Variants in SKAP1 observed in about 807,000 individuals in gnomAD.
SKAP1 encodes src kinase-associated phosphoprotein 1.
A neutral mutation model predicts 58.5 loss-of-function variants in SKAP1; 44 were observed. The ratio of observed to expected loss-of-function variants is 0.75; its 90% CI spans 0.59 to 0.97. The LOEUF (loss-of-function observed/expected upper bound fraction) is 0.97. Ranked by LOEUF, SKAP1 falls within the 50% of genes least tolerant of loss-of-function variation. SKAP1 has a pLI of 0.00. For synonymous variants in SKAP1, 127 were observed against 149.7 expected (o/e 0.85, Z 1.11); for missense variants, 390 against 435.2 (o/e 0.90, Z 0.92).
chr17:48,258,429 GTTT>G (rs909662181), intron 4 of SKAP1, among the ~76,000 whole-genome samples: 4 of 152,122 alleles, frequency 2.6e-5, no homozygotes, highest in African/African-American at 9.7e-5. Flanking sequence ...CAAGCACACA[GTTT>G]ATCTCAGGAT....
At chr17:48,198,528 A>G (rs891046079) in intron 4 of SKAP1, among the ~76,000 whole-genome samples, 1 of 151,034 alleles carries the variant, frequency 6.6e-6, no homozygotes, top group Non-Finnish European at 1.5e-5. Context: ...GCATTCTGAT[A>G]CGCTTTCTTA....
At chr17:48,278,173 A>G (rs2065722929) in intron 4 of SKAP1, among the ~76,000 whole-genome samples, 1 of 152,108 alleles carries the variant, frequency 6.6e-6, no homozygotes, top group Non-Finnish European at 1.5e-5. Flanking sequence ...CTCTGCTCCC[A>G]TGTTACATTT....
chr17:48,304,931 ATAG>A (rs896861942), intron 4 of SKAP1, among the ~76,000 whole-genome samples: 8 of 152,058 alleles, frequency 5.3e-5, no homozygotes, highest in African/African-American at 1.9e-4. Flanking sequence ...TTTTTCTTTA[ATAG>A]TAGTAATGAA....
chr17:48,385,804 A>G (rs374468754), intron 2 of SKAP1, among the ~76,000 whole-genome samples: 4 of 152,226 alleles, frequency 2.6e-5, no homozygotes, highest in African/African-American at 9.6e-5. Context: ...GGGTTTGGTT[A>G]TAACAGGACG....
intron 3 of SKAP1, among the ~76,000 whole-genome samples, chr17:48,361,374 T>G (rs2066936908): frequency 6.6e-6 from 1 of 151,786 alleles, no homozygotes; most frequent in South Asian, 2.1e-4. Flanking sequence ...CCCAGCTAAT[T>G]TTTTGTATGT....
chr17:48,326,525 G>A (rs16955495), intron 4 of SKAP1, among the ~76,000 whole-genome samples: 2,222 of 152,260 alleles, frequency 0.015, 38 homozygotes, highest in African/African-American at 0.047. Flanking sequence ...ATCCCTGTAA[G>A]TGAAGAAGTG....
chr17:48,205,633 A>G lies in SKAP1; in HGVS notation c.281-16133T>C. ...AGTGATATTTCAGAACAGAATTCTT[A>G]AAAAGAAGATCCTAAAACCTTCTGA... On this transcript the variant is annotated intron_variant, in intron 4 of 12. Transcript: ENST00000336915. 1.3e-5 allele frequency among the ~76,000 whole-genome samples: 2 copies of G among 152,310 alleles called. 1 individual carries two copies. The highest frequency in any genetic ancestry group is 6.8e-3 in the Middle Eastern group (2 of 294).
intron 4 of SKAP1, chr17:48,344,315 A>C (rs1219565428): frequency 2.1e-6 from 1 of 484,728 alleles, no homozygotes; most frequent in African/African-American, 2.1e-5. Context: ...TTGAAGCTCT[A>C]CTGTGGGCTG....
chr17:48,439,080 A>G, the SKAP1 span, among the ~76,000 whole-genome samples: 2 of 152,212 alleles, frequency 1.3e-5, no homozygotes, highest in Admixed American at 1.3e-4. Flanking sequence ...ACCATGTTCT[A>G]CCTCCAAGGA....
chr17:48,290,357 T>A (rs2065884748), intron 4 of SKAP1, among the ~76,000 whole-genome samples: 1 of 152,200 alleles, frequency 6.6e-6, no homozygotes. Flanking sequence ...GCCAATAATC[T>A]AAGCTTACAC....
intron 4 of SKAP1, among the ~76,000 whole-genome samples, chr17:48,239,258 C>A: frequency 6.6e-6 from 1 of 152,212 alleles, no homozygotes; most frequent in East Asian, 1.9e-4. Flanking sequence ...ACTTGACAAT[C>A]TGCCCTTCAG....
At chr17:48,240,350 T>C (rs551298201) in intron 4 of SKAP1, among the ~76,000 whole-genome samples, 1 of 152,254 alleles carries the variant, frequency 6.6e-6, no homozygotes, top group South Asian at 2.1e-4. Context: ...CAAATGTCTC[T>C]CTGTAAACAA....
intron 8 of SKAP1, 98 bp from the exon 9 acceptor site, chr17:48,180,346 A>G: frequency 1.2e-6 from 1 of 859,044 alleles, no homozygotes; most frequent in Non-Finnish European, 1.7e-6. Flanking sequence ...TGAGAGTAAA[A>G]TATGTCAAAT....
intron 4 of SKAP1, among the ~76,000 whole-genome samples, chr17:48,198,653 G>A (rs2064679962): frequency 6.6e-6 from 1 of 151,840 alleles, no homozygotes. Flanking sequence ...TTCCCACAGT[G>A]CTTTATTTAC....
At position 48,230,357 on chromosome 17, in the gene SKAP1, G is replaced by C. The variant is rs76464520; in HGVS notation, c.281-40857C>G. Among the ~76,000 whole-genome samples, 6 of 152,176 alleles carry C rather than the reference G, an allele frequency of 3.9e-5. No homozygotes were observed. In the East Asian group the frequency reaches 1.2e-3, roughly 29 times the overall value. On this transcript the variant is annotated intron_variant, in intron 4 of 12. Coordinates refer to ENST00000336915, the MANE Select transcript of SKAP1 (RefSeq NM_003726.4). ...AGCTTTGTTTTGTGTTAAACTCAAA[G>C]GTGTCTTTCTGCAGATTCTTCCAGA... is the stretch of plus-strand genomic sequence containing the variant.
At chr17:48,274,528 C>A (rs1370608271) in intron 4 of SKAP1, among the ~76,000 whole-genome samples, 1 of 152,058 alleles carries the variant, frequency 6.6e-6, no homozygotes, top group Non-Finnish European at 1.5e-5. Flanking sequence ...GAAACCCCGT[C>A]TCTACTAAAA....
chr17:48,400,535 G>A (rs2067485948), intron 1 of SKAP1, among the ~76,000 whole-genome samples: 1 of 152,000 alleles, frequency 6.6e-6, no homozygotes, highest in South Asian at 2.1e-4. Flanking sequence ...GCCAAGGCGG[G>A]CAGATCATTT....
At chr17:48,398,699 C>CA (rs1847847157) in intron 1 of SKAP1, among the ~76,000 whole-genome samples, 1 of 152,128 alleles carries the variant, frequency 6.6e-6, no homozygotes, top group South Asian at 2.1e-4. Flanking sequence ...AACGCCAGGC[C>CA]GGGCGTGGTG....
intron 5 of SKAP1, among the ~76,000 whole-genome samples, 185 bp downstream of exon 5, chr17:48,189,238 C>T (rs2064502192): frequency 6.6e-6 from 1 of 152,196 alleles, no homozygotes; most frequent in African/African-American, 2.4e-5. Flanking sequence ...CTGCTCAAGG[C>T]TGGGACATCT....
Sources: allele counts gnomAD v4.1 joint callset (sites outside exome capture counted in the v4.1 genomes callset), GRCh38; gene constraint gnomAD v4.1.1; transcripts MANE v1.5; gene names NCBI Gene and HGNC (gene_info 2026-07-23, HGNC 2026-07-21).